COL10A1: variants seen among roughly 807,000 people sequenced by gnomAD.
COL10A1 encodes the protein collagen type X alpha 1 chain, also known as collagen alpha-1(X) chain.
COL10A1 carries 10 observed loss-of-function variants against 18.2 expected under a neutral mutation model. The observed-to-expected ratio is 0.55, with a 90% CI of 0.34 to 0.93. The LOEUF (loss-of-function observed/expected upper bound fraction) is 0.93, where lower values mean the gene tolerates loss of function less well. Among genes scored for constraint, COL10A1 ranks in the 40% least tolerant of loss-of-function variants. The probability of loss-of-function intolerance (pLI) is 0.02; values close to 1 mark genes in which losing one functional copy is unlikely to be tolerated. For synonymous variants in COL10A1, 330 were observed against 316.6 expected (o/e 1.04, Z -0.45); for missense variants, 897 against 853.5 (o/e 1.05, Z -0.64).
chr6:116,156,177 G>A (rs937616066), intron 1 of COL10A1, among the ~76,000 whole-genome samples: 16 of 152,086 alleles, frequency 1.1e-4, no homozygotes, highest in African/African-American at 3.6e-4. Flanking sequence ...TTTTGGGGAG[G>A]AATAAGTAAA....
chr6:116,172,504 T>G, the COL10A1 span, among the ~76,000 whole-genome samples: 1 of 151,800 alleles, frequency 6.6e-6, no homozygotes, highest in Non-Finnish European at 1.5e-5. Context: ...CTATTTTGAG[T>G]AGAGACAGGG....
upstream of COL10A1, among the ~76,000 whole-genome samples, chr6:116,162,004 T>C (rs546011011): frequency 6.6e-6 from 1 of 152,340 alleles, no homozygotes; most frequent in African/African-American, 2.4e-5. Flanking sequence ...CCATCTTAAA[T>C]GTATTCCTAG....
At chr6:116,154,508 TA>T (rs1423288587) in intron 1 of COL10A1, among the ~76,000 whole-genome samples, 1 of 152,182 alleles carries the variant, frequency 6.6e-6, no homozygotes, top group Non-Finnish European at 1.5e-5. Context: ...AACCTTAATT[TA>T]AGTCTTCCAA....
At chr6:116,138,572 G>A (rs577202762) in intron 1 of COL10A1, among the ~76,000 whole-genome samples, 1 of 151,874 alleles carries the variant, frequency 6.6e-6, no homozygotes, top group African/African-American at 2.4e-5. Context: ...TGCGAATGTC[G>A]ATATATTTGT....
intron 1 of COL10A1, among the ~76,000 whole-genome samples, chr6:116,133,253 A>C (rs561793077): frequency 7.3e-4 from 111 of 152,324 alleles, no homozygotes; most frequent in African/African-American, 2.6e-3. Context: ...TGGCTACCCA[A>C]TGGGTTCTCA....
At chr6:116,181,164 C>T in the COL10A1 span, among the ~76,000 whole-genome samples, 8 of 151,870 alleles carry the variant, frequency 5.3e-5, no homozygotes, top group African/African-American at 1.9e-4. Flanking sequence ...GTTTGTTATA[C>T]TCACCTCTCT....
chr6:116,183,706 A>G, the COL10A1 span, among the ~76,000 whole-genome samples: 1 of 151,622 alleles, frequency 6.6e-6, no homozygotes, highest in Non-Finnish European at 1.5e-5. Flanking sequence ...CAGCTTGGTC[A>G]CTGTTAGTGT....
At chr6:116,206,610 A>C in the COL10A1 span, among the ~76,000 whole-genome samples, 2 of 152,140 alleles carry the variant, frequency 1.3e-5, no homozygotes, top group South Asian at 4.1e-4. Flanking sequence ...CAACAGCAAC[A>C]GCTGTTTCTT....
At chr6:116,175,333 C>G in the COL10A1 span, among the ~76,000 whole-genome samples, 3 of 152,128 alleles carry the variant, frequency 2.0e-5, no homozygotes, top group South Asian at 2.1e-4. Flanking sequence ...CATTTTTTCT[C>G]TCTAGCTACC....
At chr6:116,185,562 TA>T in the COL10A1 span, among the ~76,000 whole-genome samples, 25 of 152,226 alleles carry the variant, frequency 1.6e-4, no homozygotes, top group African/African-American at 6.0e-4. Context: ...TGGGTGCGTA[TA>T]TAGTTAAGAT....
the COL10A1 span, among the ~76,000 whole-genome samples, chr6:116,211,481 G>A: frequency 6.6e-6 from 1 of 151,954 alleles, no homozygotes; most frequent in African/African-American, 2.4e-5. Context: ...TTTCCATATA[G>A]GTTCAACAGT....
In COL10A1 at chr6:116,119,883, G is replaced by T. The variant is rs376015233; in HGVS notation, c.*190C>A. The T allele has an allele frequency of 2.7e-5, 16 of 601,176 alleles. No homozygotes were observed. Among genetic ancestry groups the T allele is most frequent in the African/African-American group, 2.2e-4 (12 of 53,892 alleles). The allele number at this position is 601,176 out of a possible 1,614,324, so 37.2% of individuals were successfully genotyped here. A position where few individuals can be genotyped will look rare whatever the true frequency, so the allele number is the denominator to read the frequency against. ...ATTGCTAACTAGAAATTCAAGAGAG[G>T]CTTCACATACGTTTTTACGTTGCTG... On this transcript the variant is annotated 3_prime_UTR_variant, in exon 3 of 3. Coordinates refer to ENST00000651968, the MANE Select transcript of COL10A1 (RefSeq NM_000493.4).
the COL10A1 span, among the ~76,000 whole-genome samples, chr6:116,183,167 G>A: frequency 2.6e-5 from 4 of 151,782 alleles, no homozygotes; most frequent in African/African-American, 4.8e-5. Context: ...TTGCTTTGTC[G>A]AAGATCAGTA....
upstream of COL10A1, among the ~76,000 whole-genome samples, chr6:116,127,300 G>A (rs978852794): frequency 1.3e-5 from 2 of 152,008 alleles, no homozygotes; most frequent in African/African-American, 4.8e-5. Flanking sequence ...TTTAAACAAA[G>A]CCTTGTATAG....
At chr6:116,197,522 G>GC in the COL10A1 span, among the ~76,000 whole-genome samples, 1 of 151,972 alleles carries the variant, frequency 6.6e-6, no homozygotes, top group African/African-American at 2.4e-5. Context: ...CAAACAGCCA[G>GC]GTACAGCGGT....
the COL10A1 span, among the ~76,000 whole-genome samples, chr6:116,214,402 AAAT>A: frequency 6.6e-6 from 1 of 152,206 alleles, no homozygotes; most frequent in African/African-American, 2.4e-5. Context: ...AGATAACGTT[AAAT>A]ATGCATAATC....
chr6:116,198,760 G>GGA, the COL10A1 span, among the ~76,000 whole-genome samples: 1 of 151,752 alleles, frequency 6.6e-6, no homozygotes, highest in South Asian at 2.1e-4. Flanking sequence ...AAGGACTACA[G>GGA]GAGTCTCTTA....
chr6:116,162,892 C>A (rs903618942), upstream of COL10A1, among the ~76,000 whole-genome samples: 4 of 151,852 alleles, frequency 2.6e-5, no homozygotes, highest in African/African-American at 7.3e-5. Context: ...CTTTGGGAGG[C>A]CAAGGCGGGC....
intron 1 of COL10A1, among the ~76,000 whole-genome samples, chr6:116,157,226 G>C (rs558129349): frequency 6.6e-6 from 1 of 152,284 alleles, no homozygotes. Context: ...GTTTAAAAAT[G>C]AGGATTCCCC....
Sources: allele counts gnomAD v4.1 joint callset (sites outside exome capture counted in the v4.1 genomes callset), GRCh38; gene constraint gnomAD v4.1.1; transcripts MANE v1.5; gene names NCBI Gene and HGNC (gene_info 2026-07-23, HGNC 2026-07-21).